The following SHISA9 variants were observed in gnomAD, a reference collection of about 807,000 sequenced individuals.
The protein encoded by SHISA9 is shisa family member 9.
Under a neutral mutation model 38.0 loss-of-function variants are expected in SHISA9, and 13 were observed. The observed-to-expected ratio is 0.34, with a 90% CI of 0.22 to 0.54. SHISA9 has a LOEUF of 0.54. Ranked by LOEUF, SHISA9 falls within the 20% of genes least tolerant of loss-of-function variation. The pLI, the probability that SHISA9 is intolerant of heterozygous loss-of-function variation, is 0.91. For missense variants in SHISA9, 538 were observed against 575.8 expected, an observed-to-expected ratio of 0.93 and a Z score of 0.67; for synonymous variants, 275 against 242.0, an observed-to-expected ratio of 1.14 and a Z score of -1.27.
intron 2 of SHISA9, among the ~76,000 whole-genome samples, chr16:12,958,900 C>T (rs766216390): frequency 6.6e-6 from 1 of 152,148 alleles, no homozygotes; most frequent in Non-Finnish European, 1.5e-5. Flanking sequence ...CAGTATTTTT[C>T]TTTCTCCCAT....
rs76344492 is a variant in SHISA9 at position 12,990,842 on chromosome 16, A to T, written c.691+74027A>T. On this transcript the variant is annotated intron_variant, in intron 2 of 4. Transcript: ENST00000558583. ...ACCATCATGATGAACATCTCTGCGC[A>T]TTAAACCAAACATATTTCACCCATA... Among the ~76,000 whole-genome samples, 789 of 152,370 alleles carry T rather than the reference A, an allele frequency of 5.2e-3. 7 individuals are homozygous for T. The highest frequency in any genetic ancestry group is 0.018 in the African/African-American group (753 of 41,592).
In SHISA9 at chr16:13,210,212, C is replaced by T. The variant is rs1157494931; in HGVS notation, c.848-3041C>T. 2.0e-5 allele frequency among the ~76,000 whole-genome samples: 3 copies of T among 152,306 alleles called. No homozygotes were observed. In the East Asian group the frequency reaches 5.8e-4, roughly 29 times the overall value. On this transcript the variant is annotated intron_variant, in intron 3 of 4. Coordinates refer to ENST00000558583, the MANE Select transcript of SHISA9 (RefSeq NM_001145204.3). ...ACCCTTTTATGTAATTCCTGATGGG[C>T]TTTGCAAACAGAAAGTTGCCTGCAC...
the SHISA9 span, among the ~76,000 whole-genome samples, chr16:13,378,187 G>C: frequency 6.6e-6 from 1 of 152,222 alleles, no homozygotes. Context: ...AAGAGAAGAA[G>C]TTAATGACCC....
At chr16:13,534,361 A>T in the SHISA9 span, among the ~76,000 whole-genome samples, 1 of 151,734 alleles carries the variant, frequency 6.6e-6, no homozygotes, top group African/African-American at 2.4e-5. Context: ...AGTAGCTGGG[A>T]CTATAGGTGT....
At chr16:12,970,467 GTGTATATATATATATATA>G (rs1433113154) in intron 2 of SHISA9, among the ~76,000 whole-genome samples, 19 of 23,620 alleles carry the variant, frequency 8.0e-4, no homozygotes, top group East Asian at 3.4e-3. Flanking sequence ...ATATATGTGT[GTGTATATATATATATATA>G]TATATATATA....
chr16:13,072,970 G>T (rs276611), intron 2 of SHISA9, among the ~76,000 whole-genome samples: 27,220 of 152,072 alleles, frequency 0.18, 5,130 homozygotes, highest in African/African-American at 0.47. Flanking sequence ...CTTATTTTAT[G>T]TTTTGAGACA....
At chr16:13,330,712 A>G in the SHISA9 span, among the ~76,000 whole-genome samples, 1 of 152,190 alleles carries the variant, frequency 6.6e-6, no homozygotes, top group Non-Finnish European at 1.5e-5. Context: ...ACCACAATTT[A>G]AGCAACCCTT....
chr16:13,107,753 T>G (rs1042525715), intron 2 of SHISA9, among the ~76,000 whole-genome samples: 1 of 151,752 alleles, frequency 6.6e-6, no homozygotes, highest in Non-Finnish European at 1.5e-5. Flanking sequence ...AGATGAATAG[T>G]GGATGGTGAA....
At chr16:12,938,615 G>A (rs556174712) in intron 2 of SHISA9, among the ~76,000 whole-genome samples, 4 of 151,666 alleles carry the variant, frequency 2.6e-5, no homozygotes, top group South Asian at 2.1e-4. Flanking sequence ...CTCCTGTCTC[G>A]GCCTCCTGAG....
chr16:13,125,895 G>A (rs16961185), intron 2 of SHISA9, among the ~76,000 whole-genome samples: 13,184 of 152,256 alleles, frequency 0.087, 756 homozygotes, highest in East Asian at 0.23. Flanking sequence ...GCTGATGTTG[G>A]ACCTTAGCTG....
chr16:13,047,453 A>G lies in SHISA9; in HGVS notation c.691+130638A>G, dbSNP rs1231797509. 2.0e-5 allele frequency among the ~76,000 whole-genome samples: 3 copies of G among 152,182 alleles called. No homozygotes were observed. The East Asian group carries it at 5.8e-4, about 29-fold the overall frequency. ...CAGATTTGCAGTTTTTACTTTGAAC[A>G]AATTTTCTTAGGCAATGGAAAGAAG... On this transcript the variant is annotated intron_variant, in intron 2 of 4. Transcript: ENST00000558583.
chr16:13,147,850 C>T (rs755425003), intron 2 of SHISA9, among the ~76,000 whole-genome samples: 6 of 152,154 alleles, frequency 3.9e-5, no homozygotes, highest in South Asian at 2.1e-4. Context: ...ACACCTCCAC[C>T]GGGTGGGAAA....
the SHISA9 span, among the ~76,000 whole-genome samples, chr16:13,449,591 A>G: frequency 2.6e-5 from 4 of 152,150 alleles, no homozygotes; most frequent in East Asian, 1.9e-4. Context: ...TGTGTACTGC[A>G]TTGTAGGTAA....
Position 13,204,169 on chromosome 16 carries a change from T to TC in SHISA9, c.847+620_847+621insC, listed in dbSNP as rs140684289. On this transcript the variant is annotated intron_variant, in intron 3 of 4. Coordinates refer to ENST00000558583, the MANE Select transcript of SHISA9 (RefSeq NM_001145204.3). Reference sequence around the variant, plus strand: ...ATCTATCTATCTATCTATCTATCTATTTATCTATCATCTTTCTATCTACCT... The same window carrying TC: ...ATCTATCTATCTATCTATCTATCTATCTTATCTATCATCTTTCTATCTACCT... Among the ~76,000 whole-genome samples, 88 of 125,768 alleles carry TC rather than the reference T, an allele frequency of 7.0e-4. 1 individual carries two copies. The highest frequency in any genetic ancestry group is 3.6e-3 in the South Asian group (11 of 3,096). The allele number at this position is 125,768 out of a possible 152,430, so 82.5% of individuals were successfully genotyped here.
intron 2 of SHISA9, among the ~76,000 whole-genome samples, chr16:13,157,119 T>A (rs1351471953): frequency 6.6e-6 from 1 of 152,156 alleles, no homozygotes; most frequent in African/African-American, 2.4e-5. Flanking sequence ...CATCTGAATC[T>A]TCTTCTTACG....
At chr16:13,384,785 T>C in the SHISA9 span, among the ~76,000 whole-genome samples, 1 of 152,242 alleles carries the variant, frequency 6.6e-6, no homozygotes, top group Non-Finnish European at 1.5e-5. Flanking sequence ...TTTAAATACA[T>C]TTGGCATGAA....
chr16:13,136,396 CTTTTTTTTTTTTT>C lies in SHISA9; in HGVS notation c.692-66986_692-66974del, dbSNP rs35122409. On this transcript the variant is annotated intron_variant, in intron 2 of 4. Transcript: ENST00000558583. ...GTTGTGTGAAATATACAGTTTCCTTCTTTTTTTTTTTTTTTTTTTTTTTTGGAGTTTCGCTCTT... is the reference window on the plus strand; with the variant it reads ...GTTGTGTGAAATATACAGTTTCCTTCTTTTTTTTTTTGGAGTTTCGCTCTT... 5.9e-5 allele frequency among the ~76,000 whole-genome samples: 4 copies of C among 68,100 alleles called. No homozygotes were observed. In the East Asian group the frequency reaches 1.8e-3, roughly 31 times the overall value. The allele number at this position is 68,100 out of a possible 152,430, so 44.7% of individuals were successfully genotyped here.
chr16:12,950,686 G>A (rs1413725191), intron 2 of SHISA9, among the ~76,000 whole-genome samples: 1 of 151,276 alleles, frequency 6.6e-6, no homozygotes, highest in Non-Finnish European at 1.5e-5. Flanking sequence ...TCGGCTCACT[G>A]CAACCTCCAC....
At chr16:13,525,639 A>C in the SHISA9 span, among the ~76,000 whole-genome samples, 3 of 152,338 alleles carry the variant, frequency 2.0e-5, no homozygotes, top group African/African-American at 7.2e-5. Context: ...AATTCACTAA[A>C]ATAAGTGGGA....
Sources: gnomAD v4.1 joint callset for allele counts (sites outside exome capture counted in the v4.1 genomes callset) on GRCh38, gnomAD v4.1.1 for gene constraint, MANE v1.5 for transcripts, NCBI Gene and HGNC (gene_info 2026-07-23, HGNC 2026-07-21) for gene names.